Variants in NLGN1 observed in about 807,000 individuals in gnomAD.
The protein encoded by NLGN1 is neuroligin-1.
NLGN1 carries 12 observed loss-of-function variants against 65.5 expected under a neutral mutation model. The observed-to-expected ratio is 0.18, with a 90% CI of 0.12 to 0.30. NLGN1 has a LOEUF of 0.30. NLGN1 is among the 10% of genes least tolerant of loss of function. NLGN1 has a pLI of 1.00. For missense variants in NLGN1, 750 were observed against 1,007.1 expected, an observed-to-expected ratio of 0.74 and a Z score of 3.46; for synonymous variants, 350 against 359.5, an observed-to-expected ratio of 0.97 and a Z score of 0.30.
At position 173,868,874 on chromosome 3, in the gene NLGN1, A is replaced by G. The variant is rs375691069; in HGVS notation, c.646+61042A>G. On this transcript the variant is annotated intron_variant, in intron 4 of 6. Transcript: ENST00000457714. The stretch of plus-strand genomic sequence containing the variant: ...CAATATTTACATGAGGTACTTAAAA[A>G]GTAGGGAGAGAGCAACAGAGAGAGA... Among the ~76,000 whole-genome samples, 4 of 152,118 alleles carry G rather than the reference A, an allele frequency of 2.6e-5. 1 individual carries two copies. Among genetic ancestry groups the G allele is most frequent in the East Asian group, 3.9e-4 (2 of 5,192 alleles).
chr3:174,077,524 C>A (rs1181451857), intron 4 of NLGN1, among the ~76,000 whole-genome samples: 1 of 151,724 alleles, frequency 6.6e-6, no homozygotes, highest in African/African-American at 2.4e-5. Flanking sequence ...TATATTTAGA[C>A]TTTTAGCTTC....
At chr3:174,247,901 G>A (rs1451079865) in intron 4 of NLGN1, among the ~76,000 whole-genome samples, 1 of 152,238 alleles carries the variant, frequency 6.6e-6, no homozygotes, top group East Asian at 1.9e-4. Flanking sequence ...TTGCAGATGT[G>A]TGATGTATAT....
chr3:174,007,355 C>T (rs991740770), intron 4 of NLGN1, among the ~76,000 whole-genome samples: 1 of 152,158 alleles, frequency 6.6e-6, no homozygotes, highest in Non-Finnish European at 1.5e-5. Context: ...CCTTTATGGT[C>T]CCATGCTTTA....
intron 4 of NLGN1, among the ~76,000 whole-genome samples, chr3:173,862,149 A>G (rs1432928888): frequency 2.0e-5 from 3 of 152,142 alleles, no homozygotes; most frequent in Admixed American, 2.0e-4. Context: ...AAATGAATCT[A>G]TATACAGACA....
intron 4 of NLGN1, among the ~76,000 whole-genome samples, chr3:173,822,497 G>A (rs1019539191): frequency 6.6e-6 from 1 of 152,084 alleles, no homozygotes; most frequent in Admixed American, 6.6e-5. Context: ...TCGAAAATCT[G>A]AGTGTTTAAA....
chr3:173,660,991 A>G (rs771177412), intron 3 of NLGN1, among the ~76,000 whole-genome samples: 1 of 151,962 alleles, frequency 6.6e-6, no homozygotes, highest in Non-Finnish European at 1.5e-5. Flanking sequence ...GTGTGAGAGC[A>G]CTCATAAAAT....
intron 3 of NLGN1, among the ~76,000 whole-genome samples, chr3:173,686,189 T>A (rs958475556): frequency 6.6e-6 from 1 of 152,110 alleles, no homozygotes; most frequent in Non-Finnish European, 1.5e-5. Context: ...GTGGAGACAT[T>A]TTAGCTTATT....
intron 3 of NLGN1, among the ~76,000 whole-genome samples, chr3:173,762,422 AT>A (rs1335737127): frequency 1.3e-5 from 2 of 152,120 alleles, no homozygotes; most frequent in Non-Finnish European, 2.9e-5. Context: ...ATTAAAAGAA[AT>A]GGAGAACAAA....
intron 4 of NLGN1, among the ~76,000 whole-genome samples, chr3:173,829,596 C>T (rs1722088709): frequency 6.7e-6 from 1 of 149,140 alleles, no homozygotes; most frequent in Middle Eastern, 3.2e-3. Context: ...GTGTTAAGAT[C>T]ACTTAAAGAA....
intron 4 of NLGN1, among the ~76,000 whole-genome samples, chr3:174,013,992 G>A (rs1353704050): frequency 6.6e-6 from 1 of 152,132 alleles, no homozygotes; most frequent in African/African-American, 2.4e-5. Flanking sequence ...TAGGATTATA[G>A]GCATGAGCCA....
At chr3:173,901,371 GTGT>G (rs1263853381) in intron 4 of NLGN1, among the ~76,000 whole-genome samples, 58 of 148,142 alleles carry the variant, frequency 3.9e-4, no homozygotes, top group African/African-American at 1.0e-3. Flanking sequence ...TTTTGGGGGG[GTGT>G]GTGTGTGTGT....
At chr3:174,234,985 C>CTTT (rs748911027) in intron 4 of NLGN1, among the ~76,000 whole-genome samples, 1,625 of 65,690 alleles carry the variant, frequency 0.025, 339 homozygotes, top group Admixed American at 0.027. Flanking sequence ...AAGGAATCAC[C>CTTT]TTTTTTTTTT....
At chr3:173,470,505 C>T (rs1477927509) in intron 2 of NLGN1, among the ~76,000 whole-genome samples, 2 of 152,094 alleles carry the variant, frequency 1.3e-5, no homozygotes, top group African/African-American at 4.8e-5. Context: ...GGACTAACAG[C>T]ATGGGTTTGT....
chr3:173,801,808 A>G (rs937715244), intron 3 of NLGN1, among the ~76,000 whole-genome samples: 1 of 152,084 alleles, frequency 6.6e-6, no homozygotes, highest in African/African-American at 2.4e-5. Context: ...TTAAATAGCT[A>G]AAAATAAACT....
intron 3 of NLGN1, among the ~76,000 whole-genome samples, chr3:173,714,142 C>T (rs959969758): frequency 1.3e-5 from 2 of 152,046 alleles, no homozygotes; most frequent in African/African-American, 4.8e-5. Flanking sequence ...CTTTTGAAAA[C>T]ATTTATTTTT....
At chr3:174,079,433 C>T (rs1247626131) in intron 4 of NLGN1, among the ~76,000 whole-genome samples, 4 of 152,140 alleles carry the variant, frequency 2.6e-5, no homozygotes, top group African/African-American at 9.7e-5. Context: ...TCCTTATACA[C>T]TGTTGGTGGA....
intron 2 of NLGN1, among the ~76,000 whole-genome samples, chr3:173,528,965 C>T (rs1214239091): frequency 6.6e-6 from 1 of 152,094 alleles, no homozygotes; most frequent in African/African-American, 2.4e-5. Flanking sequence ...GGGTCCATTG[C>T]TAGAGAGCTA....
rs569183919 is a variant in NLGN1 at position 173,510,426 on chromosome 3, C to T, written c.-321+75348C>T. On this transcript the variant is annotated intron_variant, in intron 2 of 6. Transcript: ENST00000457714. ...ATCTTCCTAGTATGTCATCACTATC[C>T]CCATTTTATAGCCAGAACACAGGTG... Among the ~76,000 whole-genome samples the T allele has an allele frequency of 2.6e-5, 4 of 152,244 alleles. No individual in the cohort carries two copies. The East Asian group carries it at 5.8e-4, about 22-fold the overall frequency.
At chr3:173,452,489 T>C (rs75099631) in intron 2 of NLGN1, among the ~76,000 whole-genome samples, 9,631 of 152,232 alleles carry the variant, frequency 0.063, 375 homozygotes, top group South Asian at 0.13. Context: ...CTGGCCTAAT[T>C]TTCTTGCCGG....
Sources: allele counts gnomAD v4.1 joint callset (sites outside exome capture counted in the v4.1 genomes callset), GRCh38; gene constraint gnomAD v4.1.1; transcripts MANE v1.5; gene names NCBI Gene and HGNC (gene_info 2026-07-23, HGNC 2026-07-21).